The following SLC35F4 variants were observed in gnomAD, a reference collection of about 807,000 sequenced individuals.
SLC35F4 encodes chromosome 14 open reading frame 36.
Under a neutral mutation model 44.2 loss-of-function variants are expected in SLC35F4, and 24 were observed. The observed-to-expected ratio is 0.54, with a 90% CI of 0.39 to 0.76. The LOEUF is 0.76. Among genes scored for constraint, SLC35F4 ranks in the 30% least tolerant of loss-of-function variants. The pLI is 0.00. For synonymous variants in SLC35F4, 238 were observed against 223.6 expected, an observed-to-expected ratio of 1.06 and a Z score of -0.57; for missense variants, 562 against 586.1, an observed-to-expected ratio of 0.96 and a Z score of 0.42.
intron 1 of SLC35F4, among the ~76,000 whole-genome samples, chr14:57,600,713 A>AAAAAAAC (rs2070774204): frequency 2.5e-5 from 3 of 122,308 alleles, no homozygotes; most frequent in South Asian, 2.6e-4. Context: ...AAAAAAAAAA[A>AAAAAAAC]AAAAAACCAA....
At chr14:57,669,432 G>A (rs1594756738) in intron 1 of SLC35F4, among the ~76,000 whole-genome samples, 1 of 152,112 alleles carries the variant, frequency 6.6e-6, no homozygotes, top group Non-Finnish European at 1.5e-5. Context: ...AATGCTTCCA[G>A]TTTTTGCCCA....
chr14:57,982,932 T>C (rs1881425978), upstream of SLC35F4, among the ~76,000 whole-genome samples: 1 of 152,102 alleles, frequency 6.6e-6, no homozygotes, highest in Admixed American at 6.5e-5. Context: ...GGGAAATAGG[T>C]GACTGCCAAT....
At chr14:57,884,495 C>A (rs1437903252) in intron 1 of SLC35F4, among the ~76,000 whole-genome samples, 5 of 152,134 alleles carry the variant, frequency 3.3e-5, no homozygotes, top group Admixed American at 1.3e-4. Context: ...GACACTGATA[C>A]AAATCCATCT....
intron 1 of SLC35F4, among the ~76,000 whole-genome samples, chr14:57,880,179 TA>T (rs1566920093): frequency 6.6e-6 from 1 of 152,126 alleles, no homozygotes; most frequent in Non-Finnish European, 1.5e-5. Context: ...AAAATGGGGA[TA>T]AAAACACAAC....
intron 1 of SLC35F4, among the ~76,000 whole-genome samples, chr14:57,605,978 G>T (rs1001831496): frequency 2.6e-5 from 4 of 152,102 alleles, no homozygotes; most frequent in African/African-American, 9.7e-5. Context: ...AGGATGGGAG[G>T]GTGATAAGGT....
intron 1 of SLC35F4, among the ~76,000 whole-genome samples, chr14:57,875,957 T>A (rs1179170528): frequency 6.6e-6 from 1 of 152,210 alleles, no homozygotes; most frequent in Non-Finnish European, 1.5e-5. Flanking sequence ...GGTTCTAGAT[T>A]AGCAAAGCAA....
At chr14:57,621,916 C>A (rs1439073562) in intron 1 of SLC35F4, among the ~76,000 whole-genome samples, 2 of 150,730 alleles carry the variant, frequency 1.3e-5, no homozygotes, top group Non-Finnish European at 3.0e-5. Flanking sequence ...GCAACCTACT[C>A]ATCTGACAAA....
chr14:57,672,650 A>C (rs2074556611), intron 1 of SLC35F4, among the ~76,000 whole-genome samples: 1 of 152,158 alleles, frequency 6.6e-6, no homozygotes, highest in Non-Finnish European at 1.5e-5. Context: ...TTTGTACTTC[A>C]AATCTACTTA....
intron 1 of SLC35F4, among the ~76,000 whole-genome samples, chr14:57,773,655 CA>C (rs56929264): frequency 0.29 from 42,663 of 145,418 alleles, 6,547 homozygotes; most frequent in Admixed American, 0.4. Context: ...AGAAAATAGA[CA>C]AAAAAAAAAG....
intron 3 of SLC35F4, among the ~76,000 whole-genome samples, chr14:57,583,673 C>T (rs769244719): frequency 3.3e-5 from 5 of 152,190 alleles, no homozygotes; most frequent in South Asian, 2.1e-4. Context: ...TTCATTCCCT[C>T]GTTCTTCCCC....
At chr14:57,937,600 GAAAAGA>G (rs1889830250) in intron 1 of SLC35F4, among the ~76,000 whole-genome samples, 3 of 70,034 alleles carry the variant, frequency 4.3e-5, no homozygotes, top group African/African-American at 2.7e-4. Context: ...GAAAAGAAAA[GAAAAGA>G]AAAGAAAAGA....
At chr14:57,588,251 T>C (rs1330478599) in intron 3 of SLC35F4, among the ~76,000 whole-genome samples, 1 of 152,212 alleles carries the variant, frequency 6.6e-6, no homozygotes, top group East Asian at 1.9e-4. Flanking sequence ...AATAATTTCT[T>C]TTCATTTGGT....
At chr14:57,976,097 T>C (rs1391903405), downstream of SLC35F4, among the ~76,000 whole-genome samples, 1 of 152,160 alleles carries the variant, frequency 6.6e-6, no homozygotes, top group African/African-American at 2.4e-5. Context: ...TTTCCAAATC[T>C]AAGTCAGTAC....
intron 1 of SLC35F4, among the ~76,000 whole-genome samples, chr14:57,731,078 C>A (rs2076331687): frequency 6.6e-6 from 1 of 152,058 alleles, no homozygotes; most frequent in Non-Finnish European, 1.5e-5. Flanking sequence ...GAAAAGGGGA[C>A]CTTGACAAGA....
chr14:57,856,591 A>G (rs773631541), intron 1 of SLC35F4, among the ~76,000 whole-genome samples: 7 of 152,096 alleles, frequency 4.6e-5, no homozygotes, highest in Non-Finnish European at 7.3e-5. Context: ...CACACTATCT[A>G]CCATCAATAA....
At chr14:57,662,840 C>T (rs1190316658) in intron 1 of SLC35F4, among the ~76,000 whole-genome samples, 1 of 152,094 alleles carries the variant, frequency 6.6e-6, no homozygotes, top group African/African-American at 2.4e-5. Context: ...CTCTGAACAC[C>T]GAATGAACTG....
chr14:57,858,431 C>T lies in SLC35F4; in HGVS notation c.103+7292G>A, dbSNP rs1447167330. On this transcript the variant is annotated intron_variant, in intron 1 of 7. Transcript: ENST00000556826. ...CATTCTCAGCAAACTATCGCAAGGA[C>T]AAAAAACCAAACACTACATGTTCTC... Among the ~76,000 whole-genome samples, 3 of 151,626 alleles carry T rather than the reference C, an allele frequency of 2.0e-5. No individual in the cohort carries two copies. In the South Asian group the frequency reaches 6.2e-4, roughly 32 times the overall value.
intron 1 of SLC35F4, among the ~76,000 whole-genome samples, chr14:57,642,787 T>C (rs2140166572): frequency 6.6e-6 from 1 of 152,076 alleles, no homozygotes; most frequent in African/African-American, 2.4e-5. Flanking sequence ...TATGGCAATA[T>C]CACTTCAGGA....
chr14:57,975,697 C>A (rs1881195033), downstream of SLC35F4, among the ~76,000 whole-genome samples: 1 of 152,106 alleles, frequency 6.6e-6, no homozygotes, highest in South Asian at 2.1e-4. Context: ...CTTCATTAAG[C>A]CAATAAAGAA....
Sources: gnomAD v4.1 joint callset for allele counts (sites outside exome capture counted in the v4.1 genomes callset) on GRCh38, gnomAD v4.1.1 for gene constraint, MANE v1.5 for transcripts, NCBI Gene and HGNC (gene_info 2026-07-23, HGNC 2026-07-21) for gene names.